DCPS: variants seen among roughly 807,000 people sequenced by gnomAD.
DCPS encodes the protein decapping enzyme, scavenger.
A neutral mutation model predicts 34.7 loss-of-function variants in DCPS; 27 were observed. The ratio of observed to expected loss-of-function variants is 0.78; its 90% CI spans 0.57 to 1.07. DCPS has a LOEUF of 1.07. Ranked by LOEUF, DCPS falls within the 50% of genes least tolerant of loss-of-function variation. The probability of loss-of-function intolerance (pLI) is 0.00; values close to 1 mark genes in which losing one functional copy is unlikely to be tolerated. For synonymous variants in DCPS, 185 were observed against 185.7 expected, an observed-to-expected ratio of 1.00 and a Z score of 0.03; for missense variants, 464 against 436.9, an observed-to-expected ratio of 1.06 and a Z score of -0.55.
Position 126,304,073 on chromosome 11 carries a change from G to C in DCPS, c.-8G>C, listed in dbSNP as rs201982035. On this transcript the variant is annotated 5_prime_UTR_variant, in exon 1 of 6. Coordinates refer to ENST00000263579, the MANE Select transcript of DCPS (RefSeq NM_014026.6). The stretch of plus-strand genomic sequence containing the variant: ...GGGGGCGCAGGCGCACACCGCCTCC[G>C]CGGCAGCATGGCGGACGCAGCTCCT... 2.5e-6 allele frequency: 4 copies of C among 1,587,268 alleles called. No homozygotes were observed. In the African/African-American group the frequency reaches 5.4e-5, roughly 21 times the overall value.
chr11:126,316,329 CTTT>C (rs764198724), intron 2 of DCPS, among the ~76,000 whole-genome samples: 1 of 142,566 alleles, frequency 7.0e-6, no homozygotes, highest in Non-Finnish European at 1.5e-5. Flanking sequence ...TCCGTGATTT[CTTT>C]TTTTTTTTTT....
In DCPS at chr11:126,334,999, TGA is replaced by T. The variant is rs1328721006; in HGVS notation, c.523-3281_523-3280del. 6.6e-6 allele frequency among the ~76,000 whole-genome samples: 1 copy of T among 152,162 alleles called. No individual in the cohort carries two copies. The highest frequency in any genetic ancestry group is 1.5e-5 in the Non-Finnish European group (1 of 68,036). On this transcript the variant is annotated intron_variant, in intron 3 of 5. Transcript: ENST00000263579. The surrounding 1 kb of genome is among the most constrained non-coding windows in gnomAD (Gnocchi z 5.5). Reference sequence around the variant, plus strand: ...CCTCCCTCCTGGGTGTTGTGGAAATTGAGAGAGGTGCCATATATCATGTGCCT... The same window carrying T: ...CCTCCCTCCTGGGTGTTGTGGAAATTGAGAGGTGCCATATATCATGTGCCT...
In DCPS at chr11:126,337,245, G is replaced by C. The variant is rs895881429; in HGVS notation, c.523-1041G>C. On this transcript the variant is annotated intron_variant, in intron 3 of 5. Coordinates refer to ENST00000263579, the MANE Select transcript of DCPS (RefSeq NM_014026.6). The surrounding 1 kb of genome is among the most constrained non-coding windows in gnomAD (Gnocchi z 5.3). ...AGACCATTCTGACTGTGAGGAGGAA[G>C]GGGCAGTAGTATGTCCTCAGCCACT... 3 of 152,216 alleles carry C rather than the reference G, an allele frequency of 2.0e-5. No homozygotes were observed. The highest frequency in any genetic ancestry group is 4.4e-5 in the Non-Finnish European group (3 of 68,060). 9.4% of individuals were successfully genotyped at this position (152,216 alleles called of 1,614,324 possible). A position where few individuals can be genotyped will look rare whatever the true frequency, so the allele number is the denominator to read the frequency against.
Position 126,346,426 on chromosome 11 carries a change from T to C in DCPS, c.*813T>C, listed in dbSNP as rs79254097. ...GGAGGCGGCTCGGGTTCAAGGCCTA[T>C]CAGAGGCAGATGTTCAGAGGATCTT... On this transcript the variant is annotated 3_prime_UTR_variant, in exon 6 of 6. Transcript: ENST00000263579. This position sits in a 1 kb window ranked among gnomAD's most constrained non-coding sequence, Gnocchi z 4.1. Among the ~76,000 whole-genome samples, 248 of 152,314 alleles carry C rather than the reference T, an allele frequency of 1.6e-3. 2 individuals are homozygous for C. The highest frequency in any genetic ancestry group is 5.8e-3 in the African/African-American group (240 of 41,566).
rs1951835163 is a variant in DCPS at position 126,336,709 on chromosome 11, C to A, written c.523-1577C>A. 6.6e-6 allele frequency: 1 copy of A among 152,328 alleles called. No homozygotes were observed. The highest frequency in any genetic ancestry group is 1.5e-5 in the Non-Finnish European group (1 of 68,148). The allele number at this position is 152,328 out of a possible 1,614,324, so 9.4% of individuals were successfully genotyped here. A position where few individuals can be genotyped will look rare whatever the true frequency, so the allele number is the denominator to read the frequency against. On this transcript the variant is annotated intron_variant, in intron 3 of 5. Transcript: ENST00000263579. The surrounding 1 kb of genome is among the most constrained non-coding windows in gnomAD (Gnocchi z 6.3). ...CTGGCATCACATTCCCAGGAGATTT[C>A]AGGTCAGAGAGGAAATGCCTCTGTG...
intron 2 of DCPS, among the ~76,000 whole-genome samples, chr11:126,307,592 G>T (rs1951582714): frequency 6.6e-6 from 1 of 151,948 alleles, no homozygotes; most frequent in Non-Finnish European, 1.5e-5. Context: ...TGTATTTTTA[G>T]TAGAGTCAGG....
At position 126,331,259 on chromosome 11, in the gene DCPS, A is replaced by C; in HGVS notation, c.377-146A>C. The C allele has an allele frequency of 8.6e-7, 1 of 1,164,354 alleles. No homozygotes were observed. The highest frequency in any genetic ancestry group is 1.2e-6 in the Non-Finnish European group (1 of 821,270). 72.1% of individuals were successfully genotyped at this position (1,164,354 alleles called of 1,614,324 possible). ...GCAGTGGCACAAGGCACTCTGTGGG[A>C]GTGGATCTTGGGTGCATGATCCTCT... On this transcript the variant is annotated intron_variant, in intron 2 of 5. Coordinates refer to ENST00000263579, the MANE Select transcript of DCPS (RefSeq NM_014026.6). This position sits in a 1 kb window ranked among gnomAD's most constrained non-coding sequence, Gnocchi z 7.2.
At chr11:126,306,951 A>G (rs1175759952) in intron 2 of DCPS, among the ~76,000 whole-genome samples, 1 of 152,054 alleles carries the variant, frequency 6.6e-6, no homozygotes, top group Non-Finnish European at 1.5e-5. Context: ...TCTGGCATCT[A>G]GTGGGTGGAG....
rs367554160 is a variant in DCPS at position 126,304,293 on chromosome 11, C to T, written c.201+12C>T. 5.0e-5 allele frequency: 80 copies of T among 1,613,728 alleles called. No homozygotes were observed. Among genetic ancestry groups the T allele is most frequent in the Non-Finnish European group, 6.3e-5 (74 of 1,179,890 alleles). On this transcript the variant is annotated intron_variant, in intron 1 of 5. Transcript: ENST00000263579. ...TCCTACACGGGAAGGTACCAGGAGG[C>T]AACCCTGAGGTGGGATGCGGGAAGC...
Position 126,323,087 on chromosome 11 carries a change from C to T in DCPS, c.377-8318C>T, listed in dbSNP as rs1951719512. 6.6e-6 allele frequency among the ~76,000 whole-genome samples: 1 copy of T among 152,162 alleles called. No homozygotes were observed. The highest frequency in any genetic ancestry group is 2.4e-5 in the African/African-American group (1 of 41,430). On this transcript the variant is annotated intron_variant, in intron 2 of 5. Coordinates refer to ENST00000263579, the MANE Select transcript of DCPS (RefSeq NM_014026.6). The surrounding 1 kb of genome is among the most constrained non-coding windows in gnomAD (Gnocchi z 4.4). The stretch of plus-strand genomic sequence containing the variant: ...ATAGATTTCCCCCCTGTTTCAGCCT[C>T]CCAAAGTGTTGGGATTACAGGCATG...
intron 4 of DCPS, among the ~76,000 whole-genome samples, chr11:126,339,709 A>T (rs1265701673): frequency 6.6e-6 from 1 of 152,206 alleles, no homozygotes; most frequent in East Asian, 1.9e-4. Context: ...CCTTCCCTGC[A>T]GCTTCTCTCT....
rs760753315 is a variant in DCPS, at chr11:126,347,451, TG to T, written c.*1840del. On this transcript the variant is annotated 3_prime_UTR_variant, in exon 6 of 6. Coordinates refer to ENST00000263579, the MANE Select transcript of DCPS (RefSeq NM_014026.6). The surrounding 1 kb of genome is among the most constrained non-coding windows in gnomAD (Gnocchi z 4.2). ...GTTGGCCAGGCTGGTCTCCAACTCC[TG>T]GCCTCAGGTGATCCACCCATCTCGG... Among the ~76,000 whole-genome samples the T allele has an allele frequency of 1.4e-4, 22 of 152,196 alleles. No homozygotes were observed. The highest frequency in any genetic ancestry group is 7.8e-4 in the Admixed American group (12 of 15,292).
At chr11:126,317,889 G>A (rs1373530273) in intron 2 of DCPS, among the ~76,000 whole-genome samples, 1 of 152,170 alleles carries the variant, frequency 6.6e-6, no homozygotes, top group African/African-American at 2.4e-5. Flanking sequence ...GCTTTGCAGA[G>A]TGCCATTAGC....
rs546380912 is a variant in DCPS at position 126,343,216 on chromosome 11, G to C, written c.637-91G>C. The stretch of plus-strand genomic sequence containing the variant: ...CTGGTGCTGTAGGCCTCAGGGGTGG[G>C]TGCTTCCTGGCTTACGTGAGAACTC... On this transcript the variant is annotated intron_variant, in intron 4 of 5. Transcript: ENST00000263579. 2.9e-6 allele frequency: 3 copies of C among 1,030,438 alleles called. No individual in the cohort carries two copies. The Admixed American group carries it at 6.0e-5, about 21-fold the overall frequency. 63.8% of individuals were successfully genotyped at this position (1,030,438 alleles called of 1,614,324 possible).
Position 126,347,288 on chromosome 11 carries a change from A to G in DCPS, c.*1675A>G, listed in dbSNP as rs1298897034. 6.7e-6 allele frequency among the ~76,000 whole-genome samples: 1 copy of G among 149,302 alleles called. No homozygotes were observed. The highest frequency in any genetic ancestry group is 6.7e-5 in the Admixed American group (1 of 14,944). Reference sequence around the variant, plus strand: ...ACCCAGGCTGGAGTGCAGTGGCACAATCTCGACTCACTGCAACCTCTGCCT... The same window carrying G: ...ACCCAGGCTGGAGTGCAGTGGCACAGTCTCGACTCACTGCAACCTCTGCCT... On this transcript the variant is annotated 3_prime_UTR_variant, in exon 6 of 6. Transcript: ENST00000263579. This position sits in a 1 kb window ranked among gnomAD's most constrained non-coding sequence, Gnocchi z 4.2.
Position 126,338,445 on chromosome 11 carries a change from G to A in DCPS, c.636+46G>A, listed in dbSNP as rs372693228. 3 of 1,543,566 alleles carry A rather than the reference G, an allele frequency of 1.9e-6. No individual in the cohort carries two copies. Among genetic ancestry groups the A allele is most frequent in the African/African-American group, 1.4e-5 (1 of 73,410 alleles). Reference sequence around the variant, plus strand: ...TGTCCTGATCTCTGGCCACCCTGCTGTAAGTGCTGGTCCTTCTGACTGCCC... The same window carrying A: ...TGTCCTGATCTCTGGCCACCCTGCTATAAGTGCTGGTCCTTCTGACTGCCC... On this transcript the variant is annotated intron_variant, in intron 4 of 5. Transcript: ENST00000263579. This position sits in a 1 kb window ranked among gnomAD's most constrained non-coding sequence, Gnocchi z 5.4.
rs1951769448 is a variant in DCPS at position 126,329,909 on chromosome 11, C to T, written c.377-1496C>T. Among the ~76,000 whole-genome samples, 1 of 152,030 alleles carries T rather than the reference C, an allele frequency of 6.6e-6. No individual in the cohort carries two copies. The highest frequency in any genetic ancestry group is 2.4e-5 in the African/African-American group (1 of 41,368). On this transcript the variant is annotated intron_variant, in intron 2 of 5. Transcript: ENST00000263579. This position sits in a 1 kb window ranked among gnomAD's most constrained non-coding sequence, Gnocchi z 5.0. ...GCTCTCTCGGGTTTCCCTGGGAGAG[C>T]CTATCCGAACCCAGATTAAGAAAGT...
At position 126,320,399 on chromosome 11, in the gene DCPS, G is replaced by A. The variant is rs1403443910; in HGVS notation, c.377-11006G>A. Among the ~76,000 whole-genome samples the A allele has an allele frequency of 6.6e-6, 1 of 152,102 alleles. No individual in the cohort carries two copies. Among genetic ancestry groups the A allele is most frequent in the Non-Finnish European group, 1.5e-5 (1 of 68,042 alleles). ...CATCATAAGGGAGACAGGAGGACAG[G>A]GACATGGGCTTCTAGTGCAAAGGGG... On this transcript the variant is annotated intron_variant, in intron 2 of 5. Coordinates refer to ENST00000263579, the MANE Select transcript of DCPS (RefSeq NM_014026.6). The surrounding 1 kb of genome is among the most constrained non-coding windows in gnomAD (Gnocchi z 4.7).
At position 126,338,485 on chromosome 11, in the gene DCPS, G is replaced by T. The variant is rs1951852616; in HGVS notation, c.636+86G>T. The T allele has an allele frequency of 3.6e-5, 45 of 1,235,104 alleles. 1 individual carries two copies. In the South Asian group the frequency reaches 5.1e-4, roughly 14 times the overall value. The allele number at this position is 1,235,104 out of a possible 1,614,324, so 76.5% of individuals were successfully genotyped here. A position where few individuals can be genotyped will look rare whatever the true frequency, so the allele number is the denominator to read the frequency against. On this transcript the variant is annotated intron_variant, in intron 4 of 5. Coordinates refer to ENST00000263579, the MANE Select transcript of DCPS (RefSeq NM_014026.6). This position sits in a 1 kb window ranked among gnomAD's most constrained non-coding sequence, Gnocchi z 5.4. ...TCTGACTGCCCTCTTTCTCACGCTG[G>T]CCTGTCTCTAAGCAGATTATAATTA...
Sources: allele counts gnomAD v4.1 joint callset (sites outside exome capture counted in the v4.1 genomes callset), GRCh38; gene constraint gnomAD v4.1.1; non-coding constraint Gnocchi (gnomAD v3.1); transcripts MANE v1.5; gene names NCBI Gene and HGNC (gene_info 2026-07-23, HGNC 2026-07-21).